The following MDM1 variants were observed in gnomAD, a reference collection of about 807,000 sequenced individuals.
The protein encoded by MDM1 is Mdm1 nuclear protein.
In MDM1, 61 loss-of-function variants were observed where a neutral mutation model predicts 89.1. The ratio of observed to expected loss-of-function variants is 0.68; its 90% CI spans 0.56 to 0.85. The LOEUF is 0.85. Among genes scored for constraint, MDM1 ranks in the 40% least tolerant of loss-of-function variants. The probability of loss-of-function intolerance (pLI) is 0.00; values close to 1 mark genes in which losing one functional copy is unlikely to be tolerated. For synonymous variants in MDM1, 290 were observed against 294.1 expected (o/e 0.99, Z 0.14); for missense variants, 820 against 846.5 (o/e 0.97, Z 0.39).
intron 2 of MDM1, among the ~76,000 whole-genome samples, chr12:68,330,220 A>G (rs1876584440): frequency 6.6e-6 from 1 of 152,188 alleles, no homozygotes; most frequent in Non-Finnish European, 1.5e-5. Flanking sequence ...CTCCACAGTT[A>G]AGGGACTTTG....
chr12:68,320,820 A>T (rs1875128828), intron 7 of MDM1, among the ~76,000 whole-genome samples: 1 of 152,208 alleles, frequency 6.6e-6, no homozygotes, highest in Non-Finnish European at 1.5e-5. Context: ...AGCAATTCTC[A>T]ACTCTAGAAT....
chr12:68,314,314 T>C (rs79272245), intron 10 of MDM1, among the ~76,000 whole-genome samples: 1,887 of 151,942 alleles, frequency 0.012, 45 homozygotes, highest in African/African-American at 0.044. Flanking sequence ...ACTATATCAA[T>C]AGAAGAAAAA....
At chr12:68,297,105 T>C in intron 13 of MDM1, 123 bp from the exon 14 acceptor site, 1 of 511,614 alleles carries the variant, frequency 2.0e-6, no homozygotes, top group South Asian at 4.3e-5. Flanking sequence ...CAAACCTACA[T>C]GTGAGTAAAG....
At chr12:68,297,617 T>G (rs867671358) in intron 13 of MDM1, among the ~76,000 whole-genome samples, 128 of 152,312 alleles carry the variant, frequency 8.4e-4, no homozygotes, top group African/African-American at 3.0e-3. Flanking sequence ...TGCCAGGTCC[T>G]CCTTTAAATT....
rs1323219695 is a variant in MDM1, at chr12:68,332,234, G to A, written c.12C>T (p.Arg4=). The A allele has an allele frequency of 1.9e-6, 3 of 1,581,958 alleles. No homozygotes were observed. The highest frequency in any genetic ancestry group is 3.5e-5 in the Admixed American group (2 of 56,442). The part of the protein sequence containing the change: MPV[R]FKGLSEYQRN... The stretch of plus-strand genomic sequence containing the variant: ...CCGGGGACCCCAGCCTCACCTTGAA[G>A]CGCACCGGCATGTCGCCCGGCGCCG... The change falls in exon 1 of 15, where the codon CGC becomes CGT. Residue 4 remains arginine, a synonymous_variant. Coordinates refer to ENST00000682720, the MANE Select transcript of MDM1 (RefSeq NM_001354969.2).
At chr12:68,299,185 C>CA (rs1179893417) in intron 13 of MDM1, among the ~76,000 whole-genome samples, 2 of 151,732 alleles carry the variant, frequency 1.3e-5, no homozygotes, top group South Asian at 2.1e-4. Flanking sequence ...ATAGTCTACC[C>CA]AAAAAAGAAG....
At position 68,315,051 on chromosome 12, in the gene MDM1, T is replaced by C. The variant is rs768567282; in HGVS notation, c.1426A>G (p.Asn476Asp). Residue 476 changes from asparagine (N) to aspartate (D), a missense_variant, in exon 10 of 15, where the codon AAT becomes GAT. Transcript: ENST00000682720. Reference sequence around the variant, plus strand: ...GTTTTCCTGTCCCCTTCCTCTTCATTGTCGTCCTCCTCCTCTTTCTCCCCG... The same window carrying C: ...GTTTTCCTGTCCCCTTCCTCTTCATCGTCGTCCTCCTCCTCTTTCTCCCCG... ...QPGEKEEEDD[N>D]EEEGDRKTGK... The C allele has an allele frequency of 6.2e-7, 1 of 1,614,164 alleles. No individual in the cohort carries two copies. The highest frequency in any genetic ancestry group is 8.5e-7 in the Non-Finnish European group (1 of 1,180,030).
chr12:68,325,483 CCAAA>C lies in MDM1; in HGVS notation c.587_590del (p.Val196GlyfsTer48). ...CTGGAGCAGTTTCTTTAGAAGTCTT[CCAAA>C]CAAACTGCCTTTGATATTCAGAATT... On this transcript the variant is annotated frameshift_variant, in exon 4 of 15. Coordinates refer to ENST00000682720, the MANE Select transcript of MDM1 (RefSeq NM_001354969.2). LOFTEE classifies it high-confidence loss of function. The C allele has an allele frequency of 6.3e-7, 1 of 1,597,968 alleles. No individual in the cohort carries two copies.
chr12:68,332,350 T>A lies in MDM1; in HGVS notation c.-105A>T, dbSNP rs1024947207. 7.4e-5 allele frequency: 102 copies of A among 1,371,992 alleles called. No individual in the cohort carries two copies. Among genetic ancestry groups the A allele is most frequent in the African/African-American group, 1.5e-4 (10 of 68,242 alleles). 85.0% of individuals were successfully genotyped at this position (1,371,992 alleles called of 1,614,324 possible). A position where few individuals can be genotyped will look rare whatever the true frequency, so the allele number is the denominator to read the frequency against. On this transcript the variant is annotated 5_prime_UTR_variant, in exon 1 of 15. Coordinates refer to ENST00000682720, the MANE Select transcript of MDM1 (RefSeq NM_001354969.2). ...TCCCTAGCAAAGCCTCGGCCCGGCG[T>A]CCCCGACTACGCGCCGGCGCACTCC...
intron 14 of MDM1, 77 bp downstream of exon 14, chr12:68,296,846 G>T (rs918912677): frequency 1.0e-6 from 1 of 960,048 alleles, no homozygotes; most frequent in Non-Finnish European, 1.5e-6. Context: ...AAGCTATAAA[G>T]TGCTAATCAA....
intron 12 of MDM1, among the ~76,000 whole-genome samples, chr12:68,307,041 A>C (rs186331553): frequency 4.6e-5 from 7 of 152,382 alleles, no homozygotes; most frequent in African/African-American, 1.7e-4. Flanking sequence ...TGTCCACTGC[A>C]ACAACATGGA....
intron 3 of MDM1, chr12:68,326,347 C>G: frequency 2.1e-6 from 3 of 1,400,994 alleles, no homozygotes; most frequent in Non-Finnish European, 1.8e-6. Flanking sequence ...GCCTACTTCC[C>G]TTCTCTGTCT....
At chr12:68,332,051 G>A (rs1876908585) in intron 1 of MDM1, 177 bp downstream of exon 1, 1 of 787,144 alleles carries the variant, frequency 1.3e-6, no homozygotes, top group Non-Finnish European at 2.2e-6. Flanking sequence ...GAGCGGAGAG[G>A]GAACTAGGTT....
chr12:68,295,084 A>G lies in MDM1; in HGVS notation c.*170T>C, dbSNP rs1871196071. On this transcript the variant is annotated 3_prime_UTR_variant, in exon 15 of 15. Transcript: ENST00000682720. The stretch of plus-strand genomic sequence containing the variant: ...ATGTAAAAAGAATTCTTTAAAAGTT[A>G]AATTTGTATAAGCCTATGTTAACAA... The G allele has an allele frequency of 2.3e-6, 1 of 432,436 alleles. No homozygotes were observed. The allele number at this position is 432,436 out of a possible 1,614,324, so 26.8% of individuals were successfully genotyped here.
intron 12 of MDM1, among the ~76,000 whole-genome samples, chr12:68,304,043 C>T (rs1358945588): frequency 5.9e-5 from 9 of 152,078 alleles, no homozygotes; most frequent in Non-Finnish European, 7.3e-5. Flanking sequence ...GCTGGGGAGG[C>T]AGAGATTGCA....
chr12:68,315,326 C>G lies in MDM1; in HGVS notation c.1212-61G>C. 4.1e-6 allele frequency: 6 copies of G among 1,467,418 alleles called. No individual in the cohort carries two copies. In the Middle Eastern group the frequency reaches 5.4e-4, roughly 132 times the overall value. The allele number at this position is 1,467,418 out of a possible 1,614,324, so 90.9% of individuals were successfully genotyped here. A position where few individuals can be genotyped will look rare whatever the true frequency, so the allele number is the denominator to read the frequency against. Reference sequence around the variant, plus strand: ...TAGTTTGCACTTTTCTAATCAACACCAATTTTAGTGAGTCCATCATTTCCT... The same window carrying G: ...TAGTTTGCACTTTTCTAATCAACACGAATTTTAGTGAGTCCATCATTTCCT... On this transcript the variant is annotated intron_variant, in intron 9 of 14. Coordinates refer to ENST00000682720, the MANE Select transcript of MDM1 (RefSeq NM_001354969.2).
At chr12:68,310,290 G>T (rs1202246014) in intron 12 of MDM1, among the ~76,000 whole-genome samples, 1 of 152,234 alleles carries the variant, frequency 6.6e-6, no homozygotes, top group African/African-American at 2.4e-5. Context: ...TTTTAGAGGA[G>T]TTGGTAATTA....
At chr12:68,302,969 CAGA>C (rs1872421191) in intron 12 of MDM1, 97 bp from the exon 13 acceptor site, 4 of 1,127,754 alleles carry the variant, frequency 3.5e-6, no homozygotes, top group South Asian at 3.7e-5. Context: ...AACCAAAAAG[CAGA>C]AGGAGAAATA....
rs537893203 is a variant in MDM1, at chr12:68,327,464, T to A, written c.134-443A>T. 2.0e-6 allele frequency: 3 copies of A among 1,513,464 alleles called. No homozygotes were observed. The South Asian group carries it at 3.6e-5, about 18-fold the overall frequency. 93.8% of individuals were successfully genotyped at this position (1,513,464 alleles called of 1,614,324 possible). A position where few individuals can be genotyped will look rare whatever the true frequency, so the allele number is the denominator to read the frequency against. On this transcript the variant is annotated intron_variant, in intron 2 of 14. Transcript: ENST00000682720. ...TGGAGCAGACCAAGATGAGAAGGGA[T>A]GAGATGTCACTGTGCTGGATCTTGG...
Sources: allele counts gnomAD v4.1 joint callset (sites outside exome capture counted in the v4.1 genomes callset), GRCh38; gene constraint gnomAD v4.1.1; transcripts MANE v1.5; gene names NCBI Gene and HGNC (gene_info 2026-07-23, HGNC 2026-07-21).